Variants in CEMIP observed in about 807,000 individuals in gnomAD.
CEMIP encodes the protein cell migration-inducing and hyaluronan-binding protein.
In CEMIP, 105 loss-of-function variants were observed where a neutral mutation model predicts 156.9. The ratio of observed to expected loss-of-function variants is 0.67; its 90% CI spans 0.57 to 0.79. CEMIP has a LOEUF of 0.79. Ranked by LOEUF, CEMIP falls within the 30% of genes least tolerant of loss-of-function variation. The pLI, the probability that CEMIP is intolerant of heterozygous loss-of-function variation, is 0.00. For missense variants in CEMIP, 1,457 were observed against 1,769.4 expected (o/e 0.82, Z 3.17); for synonymous variants, 676 against 668.4 (o/e 1.01, Z -0.17).
At chr15:80,887,211 C>T (rs1334789487) in intron 7 of CEMIP, among the ~76,000 whole-genome samples, 3 of 152,286 alleles carry the variant, frequency 2.0e-5, no homozygotes, top group Non-Finnish European at 4.4e-5. Context: ...CTCCTTTCCA[C>T]GGCCCAAGGC....
intron 3 of CEMIP, among the ~76,000 whole-genome samples, chr15:80,876,484 G>A (rs1411490616): frequency 1.3e-5 from 2 of 152,226 alleles, no homozygotes; most frequent in Non-Finnish European, 2.9e-5. Flanking sequence ...ACAATAGCTG[G>A]AAGAGCTACT....
chr15:80,911,652 G>A (rs185612430), intron 14 of CEMIP, among the ~76,000 whole-genome samples: 2 of 152,338 alleles, frequency 1.3e-5, no homozygotes, highest in Admixed American at 1.3e-4. Context: ...TTCCTCACAC[G>A]TGCTGTGGAG....
intron 4 of CEMIP, 139 bp from the exon 5 acceptor site, chr15:80,879,577 G>A: frequency 2.0e-6 from 2 of 979,748 alleles, no homozygotes; most frequent in South Asian, 1.3e-5. Context: ...AGTACACCAA[G>A]CATAGGAATG....
chr15:80,875,589 G>A (rs73501086), intron 3 of CEMIP, among the ~76,000 whole-genome samples: 6,584 of 152,132 alleles, frequency 0.043, 506 homozygotes, highest in African/African-American at 0.15. Flanking sequence ...CAGCTATGTG[G>A]AAAGGGGCTG....
At position 80,872,668 on chromosome 15, in the gene CEMIP, A is replaced by G. The variant is rs778419957; in HGVS notation, c.-175-870A>G. 2.6e-4 allele frequency among the ~76,000 whole-genome samples: 40 copies of G among 152,074 alleles called. 1 individual carries two copies. The highest frequency in any genetic ancestry group is 1.3e-4 in the Admixed American group (2 of 15,274). ...TGTCCCTACTAAAAATACAAAAATT[A>G]GCCAGGTGTGGTGGTGCATGCCTGC... is the stretch of plus-strand genomic sequence containing the variant. On this transcript the variant is annotated intron_variant, in intron 1 of 29. Coordinates refer to ENST00000394685, the MANE Select transcript of CEMIP (RefSeq NM_001293298.2).
rs201833164 is a variant in CEMIP at position 80,896,059 on chromosome 15, A to C, written c.1410A>C (p.Ala470=). ...GCGCCCCCAACCAGGTCAAAGTGGC[A>C]GGTAGGACTTTTACTAATCCCTTCC... is the stretch of plus-strand genomic sequence containing the variant. ...RSCAPNQVKV[A]GKPMYLHIGE... The change falls in exon 12 of 30, where the codon GCA becomes GCC. Residue 470 remains alanine (A), a splice_region_variant and synonymous_variant. Coordinates refer to ENST00000394685, the MANE Select transcript of CEMIP (RefSeq NM_001293298.2). 6.2e-7 allele frequency: 1 copy of C among 1,613,822 alleles called. No individual in the cohort carries two copies.
chr15:80,830,721 C>A (rs1230030376), intron 1 of CEMIP, among the ~76,000 whole-genome samples: 2 of 151,966 alleles, frequency 1.3e-5, no homozygotes, highest in South Asian at 4.2e-4. Context: ...TATTTTTAAG[C>A]TATGTTTTTA....
chr15:80,866,676 C>T (rs929196853), intron 1 of CEMIP, among the ~76,000 whole-genome samples: 3 of 150,604 alleles, frequency 2.0e-5, no homozygotes, highest in African/African-American at 7.3e-5. Flanking sequence ...ATCCCAGCTA[C>T]TTGGGAGGCT....
At chr15:80,859,262 G>A (rs1381708718) in intron 1 of CEMIP, among the ~76,000 whole-genome samples, 2 of 152,226 alleles carry the variant, frequency 1.3e-5, no homozygotes, top group Non-Finnish European at 2.9e-5. Flanking sequence ...GGAAGATCTA[G>A]GGGCTGAATT....
chr15:80,869,754 G>C (rs1381989952), intron 1 of CEMIP, among the ~76,000 whole-genome samples: 1 of 152,098 alleles, frequency 6.6e-6, no homozygotes, highest in Non-Finnish European at 1.5e-5. Context: ...TATATGAGTT[G>C]ACATTTTTCA....
rs1365192932 is a variant in CEMIP, at chr15:80,884,823, A to G, written c.797+469A>G. The stretch of plus-strand genomic sequence containing the variant: ...CTAATATGTGTTTTGTTTGCCTTGG[A>G]GTGCAGCATCATGCCTGACATTGGC... On this transcript the variant is annotated intron_variant, in intron 7 of 29. Transcript: ENST00000394685. Among the ~76,000 whole-genome samples the G allele has an allele frequency of 2.0e-5, 3 of 152,226 alleles. 1 individual carries two copies. The highest frequency in any genetic ancestry group is 7.2e-5 in the African/African-American group (3 of 41,466).
At chr15:80,790,126 C>T (rs1183486512) in intron 1 of CEMIP, among the ~76,000 whole-genome samples, 1 of 152,172 alleles carries the variant, frequency 6.6e-6, no homozygotes, top group South Asian at 2.1e-4. Context: ...ATAAAGAGTC[C>T]TTTCTTCATT....
intron 1 of CEMIP, among the ~76,000 whole-genome samples, chr15:80,822,707 A>G (rs1176267649): frequency 6.6e-6 from 1 of 152,198 alleles, no homozygotes; most frequent in African/African-American, 2.4e-5. Context: ...CGTAGGACCA[A>G]GCACAGCTGC....
Position 80,929,034 on chromosome 15 carries a change from G to A in CEMIP, c.2472G>A (p.Pro824=), listed in dbSNP as rs769501741. 1.3e-5 allele frequency: 21 copies of A among 1,614,062 alleles called. No homozygotes were observed. Among genetic ancestry groups the A allele is most frequent in the East Asian group, 2.2e-5 (1 of 44,882 alleles). Residue 824 remains proline (P), a synonymous_variant, in exon 21 of 30, where the codon CCG becomes CCA. Coordinates refer to ENST00000394685, the MANE Select transcript of CEMIP (RefSeq NM_001293298.2). ...CTCTCTACAGTGGTGGAACCTTCCC[G>A]TATGACGACGGCTCCAAGCAAGAGA... The part of the protein sequence containing the change: ...GLTLASGGTF[P]YDDGSKQEIK...
chr15:80,882,128 G>C (rs917255202), intron 6 of CEMIP, among the ~76,000 whole-genome samples: 5 of 152,186 alleles, frequency 3.3e-5, no homozygotes, highest in Non-Finnish European at 7.3e-5. Flanking sequence ...AAGGCAGCAG[G>C]AGCCAGCTAC....
intron 1 of CEMIP, among the ~76,000 whole-genome samples, chr15:80,816,489 C>A (rs1167432080): frequency 6.6e-6 from 1 of 152,144 alleles, no homozygotes; most frequent in South Asian, 2.1e-4. Flanking sequence ...ATTTCTGCAC[C>A]ACCTGGGCCA....
chr15:80,854,444 ATC>A (rs1897793569), intron 1 of CEMIP, among the ~76,000 whole-genome samples: 1 of 152,202 alleles, frequency 6.6e-6, no homozygotes, highest in African/African-American at 2.4e-5. Flanking sequence ...TTTTAACAGC[ATC>A]TGTAGGGCAG....
At chr15:80,927,051 A>G (rs564823657) in intron 19 of CEMIP, among the ~76,000 whole-genome samples, 2 of 152,330 alleles carry the variant, frequency 1.3e-5, no homozygotes, top group South Asian at 2.1e-4. Context: ...GGCTGGTCGC[A>G]AGCTCCTGAC....
chr15:80,895,844 C>T, intron 11 of CEMIP, 25 bp from the exon 12 acceptor site: 2 of 1,612,566 alleles, frequency 1.2e-6, no homozygotes, highest in Non-Finnish European at 1.7e-6. Flanking sequence ...GGCTCTATCT[C>T]AGTCTTTCCT....
Sources: allele counts gnomAD v4.1 joint callset (sites outside exome capture counted in the v4.1 genomes callset), GRCh38; gene constraint gnomAD v4.1.1; transcripts MANE v1.5; gene names NCBI Gene and HGNC (gene_info 2026-07-23, HGNC 2026-07-21).